MAP2K5: variants seen among roughly 807,000 people sequenced by gnomAD.
MAP2K5 encodes the protein dual specificity mitogen-activated protein kinase kinase 5.
A neutral mutation model predicts 83.1 loss-of-function variants in MAP2K5; 49 were observed. The ratio of observed to expected loss-of-function variants is 0.59; its 90% CI spans 0.47 to 0.75. The LOEUF is 0.75. Among genes scored for constraint, MAP2K5 ranks in the 30% least tolerant of loss-of-function variants. MAP2K5 has a pLI of 0.00. For synonymous variants in MAP2K5, 202 were observed against 191.8 expected (o/e 1.05, Z -0.44); for missense variants, 457 against 557.5 (o/e 0.82, Z 1.82).
At position 67,588,986 on chromosome 15, in the gene MAP2K5, T is replaced by G. The variant is rs74749516; in HGVS notation, c.431+2073T>G. On this transcript the variant is annotated intron_variant, in intron 6 of 21. Coordinates refer to ENST00000178640, the MANE Select transcript of MAP2K5 (RefSeq NM_145160.3). Reference sequence around the variant, plus strand: ...TTGCACCACAATCCCTGATTAAGTGTTTTTTTTTTATTTTTTTAAATTTTT... The same window carrying G: ...TTGCACCACAATCCCTGATTAAGTGGTTTTTTTTTATTTTTTTAAATTTTT... 4.2e-3 allele frequency among the ~76,000 whole-genome samples: 624 copies of G among 147,384 alleles called. 7 individuals carry two copies. Among genetic ancestry groups the G allele is most frequent in the African/African-American group, 0.014 (580 of 40,470 alleles).
intron 9 of MAP2K5, among the ~76,000 whole-genome samples, chr15:67,631,867 T>A (rs1205389183): frequency 6.6e-6 from 1 of 152,094 alleles, no homozygotes; most frequent in Admixed American, 6.6e-5. Flanking sequence ...GAACCCCATT[T>A]CCAATTTTGG....
At chr15:67,608,769 G>C (rs2085839662) in intron 8 of MAP2K5, among the ~76,000 whole-genome samples, 1 of 152,034 alleles carries the variant, frequency 6.6e-6, no homozygotes, top group South Asian at 2.1e-4. Flanking sequence ...AGACACAAAG[G>C]GCCTGTCTTG....
intron 21 of MAP2K5, among the ~76,000 whole-genome samples, chr15:67,805,222 G>T (rs1021010820): frequency 2.6e-5 from 4 of 152,202 alleles, no homozygotes; most frequent in East Asian, 3.9e-4. Context: ...ATAGACCCAC[G>T]CAGGGTGTCC....
rs1174976160 is a variant in MAP2K5 at position 67,652,005 on chromosome 15, T to A, written c.736+5536T>A. Among the ~76,000 whole-genome samples the A allele has an allele frequency of 2.0e-5, 3 of 152,244 alleles. No homozygotes were observed. The highest frequency in any genetic ancestry group is 4.4e-5 in the Non-Finnish European group (3 of 68,046). On this transcript the variant is annotated intron_variant, in intron 11 of 21. Transcript: ENST00000178640. The surrounding 1 kb of genome is among the most constrained non-coding windows in gnomAD (Gnocchi z 4.2). The stretch of plus-strand genomic sequence containing the variant: ...AATAGTGTATGAAGGTTCCCCTTTC[T>A]CCACATCCTTGCCAGCATCTATTAT...
intron 3 of MAP2K5, among the ~76,000 whole-genome samples, chr15:67,571,142 A>G (rs2084940213): frequency 6.6e-6 from 1 of 152,218 alleles, no homozygotes; most frequent in Non-Finnish European, 1.5e-5. Context: ...TAGGCACTAT[A>G]TGGCAGTGAT....
At chr15:67,622,235 G>C (rs751426105) in intron 8 of MAP2K5, among the ~76,000 whole-genome samples, 1 of 152,008 alleles carries the variant, frequency 6.6e-6, no homozygotes, top group South Asian at 2.1e-4. Flanking sequence ...AAACAATATA[G>C]GACCTGAAGG....
chr15:67,798,767 G>A (rs771554629), intron 21 of MAP2K5, among the ~76,000 whole-genome samples: 2 of 152,166 alleles, frequency 1.3e-5, no homozygotes, highest in Non-Finnish European at 2.9e-5. Context: ...AACTCAGGAA[G>A]GTTGATTGAA....
In MAP2K5 at chr15:67,802,573, C is replaced by T. The variant is rs2090725964; in HGVS notation, c.1243-4073C>T. ...GAGAATCCAGGGAATGAGAGTGGCT[C>T]TCACTGCCTGGTGATGAGGCCAGCA... On this transcript the variant is annotated intron_variant, in intron 21 of 21. Transcript: ENST00000178640. The surrounding 1 kb of genome is among the most constrained non-coding windows in gnomAD (Gnocchi z 5.0). 6.6e-6 allele frequency among the ~76,000 whole-genome samples: 1 copy of T among 152,242 alleles called. No homozygotes were observed. Among genetic ancestry groups the T allele is most frequent in the Non-Finnish European group, 1.5e-5 (1 of 68,050 alleles).
rs919074916 is a variant in MAP2K5, at chr15:67,572,764, A to G, written c.253-7990A>G. 2.0e-5 allele frequency among the ~76,000 whole-genome samples: 3 copies of G among 151,436 alleles called. No homozygotes were observed. The highest frequency in any genetic ancestry group is 7.3e-5 in the African/African-American group (3 of 41,218). ...GCCCAGGCTGGAGTGCAGTGGTTCG[A>G]TCTTGGCTCACTGCAAACTCACCTC... is the stretch of plus-strand genomic sequence containing the variant. On this transcript the variant is annotated intron_variant, in intron 3 of 21. Transcript: ENST00000178640. The surrounding 1 kb of genome is among the most constrained non-coding windows in gnomAD (Gnocchi z 4.2).
At chr15:67,693,127 T>C (rs1358773846) in intron 14 of MAP2K5, among the ~76,000 whole-genome samples, 8 of 152,218 alleles carry the variant, frequency 5.3e-5, no homozygotes, top group Non-Finnish European at 1.0e-4. Context: ...CTCCAGCGTA[T>C]TTAGTGTTCA....
rs1048060196 is a variant in MAP2K5 at position 67,793,721 on chromosome 15, C to T, written c.1243-12925C>T. On this transcript the variant is annotated intron_variant, in intron 21 of 21. Transcript: ENST00000178640. This position sits in a 1 kb window ranked among gnomAD's most constrained non-coding sequence, Gnocchi z 4.6. ...TGTAAAGTGCCCCTAGATTTGGAAA[C>T]TGGCCATTTCACTGTATAGAAAATA... is the stretch of plus-strand genomic sequence containing the variant. 3.3e-5 allele frequency among the ~76,000 whole-genome samples: 5 copies of T among 152,200 alleles called. No individual in the cohort carries two copies. Among genetic ancestry groups the T allele is most frequent in the Admixed American group, 6.5e-5 (1 of 15,284 alleles).
chr15:67,649,973 G>A (rs954650262), intron 11 of MAP2K5, among the ~76,000 whole-genome samples: 7 of 152,232 alleles, frequency 4.6e-5, no homozygotes, highest in Middle Eastern at 3.4e-3. Context: ...CTTCCACTCC[G>A]TGAACACAGA....
In MAP2K5 at chr15:67,775,211, A is replaced by G. The variant is rs569293292; in HGVS notation, c.1242+2459A>G. Reference sequence around the variant, plus strand: ...GTCTTAAAGATTAATGTAAAACTCAATGTTAGACTTTGGAGACCATTAAAA... The same window carrying G: ...GTCTTAAAGATTAATGTAAAACTCAGTGTTAGACTTTGGAGACCATTAAAA... On this transcript the variant is annotated intron_variant, in intron 21 of 21. Coordinates refer to ENST00000178640, the MANE Select transcript of MAP2K5 (RefSeq NM_145160.3). This position sits in a 1 kb window ranked among gnomAD's most constrained non-coding sequence, Gnocchi z 5.3. Among the ~76,000 whole-genome samples the G allele has an allele frequency of 3.9e-5, 6 of 152,346 alleles. No homozygotes were observed. Among genetic ancestry groups the G allele is most frequent in the East Asian group, 3.9e-4 (2 of 5,192 alleles).
intron 9 of MAP2K5, among the ~76,000 whole-genome samples, chr15:67,635,797 C>G (rs2086590745): frequency 6.6e-6 from 1 of 152,060 alleles, no homozygotes; most frequent in African/African-American, 2.4e-5. Context: ...TCACTGTTTT[C>G]TTTCTTTCCA....
chr15:67,729,684 A>C (rs1333800445), intron 17 of MAP2K5, among the ~76,000 whole-genome samples: 1 of 152,104 alleles, frequency 6.6e-6, no homozygotes, highest in Non-Finnish European at 1.5e-5. Context: ...GAATGGCTTG[A>C]ACCCGGGAGG....
chr15:67,546,901 CAA>C (rs1165730705), intron 1 of MAP2K5, among the ~76,000 whole-genome samples: 2 of 151,940 alleles, frequency 1.3e-5, no homozygotes, highest in Non-Finnish European at 2.9e-5. Flanking sequence ...CCCATCTCTA[CAA>C]AAAATGCAAA....
At position 67,570,406 on chromosome 15, in the gene MAP2K5, C is replaced by T. The variant is rs184306474; in HGVS notation, c.252+7056C>T. Among the ~76,000 whole-genome samples, 8 of 152,242 alleles carry T rather than the reference C, an allele frequency of 5.3e-5. No homozygotes were observed. In the East Asian group the frequency reaches 1.5e-3, roughly 29 times the overall value. ...AATCAATCTGTGACCATATGTGGAC[C>T]CTCGGTCAAGTCTTTTAAGGAAAAG... On this transcript the variant is annotated intron_variant, in intron 3 of 21. Transcript: ENST00000178640.
In MAP2K5 at chr15:67,698,899, T is replaced by G. The variant is rs78252795; in HGVS notation, c.973-4438T>G. ...GCACGTACTGAAGCACATTACGGGATTCATTTAATCTTCACACAACCCCAG... is the reference window on the plus strand; with the variant it reads ...GCACGTACTGAAGCACATTACGGGAGTCATTTAATCTTCACACAACCCCAG... On this transcript the variant is annotated intron_variant, in intron 15 of 21. Transcript: ENST00000178640. This position sits in a 1 kb window ranked among gnomAD's most constrained non-coding sequence, Gnocchi z 4.5. Among the ~76,000 whole-genome samples the G allele has an allele frequency of 6.2e-4, 94 of 152,322 alleles. No individual in the cohort carries two copies. The highest frequency in any genetic ancestry group is 1.1e-3 in the Non-Finnish European group (77 of 68,036).
At chr15:67,712,760 T>C (rs1684267545) in intron 16 of MAP2K5, among the ~76,000 whole-genome samples, 1 of 151,914 alleles carries the variant, frequency 6.6e-6, no homozygotes, top group African/African-American at 2.4e-5. Context: ...CTACTAAAAA[T>C]ACAAAAAATT....
Sources: gnomAD v4.1 joint callset for allele counts (sites outside exome capture counted in the v4.1 genomes callset) on GRCh38, gnomAD v4.1.1 for gene constraint, Gnocchi (gnomAD v3.1) non-coding constraint, MANE v1.5 for transcripts, NCBI Gene and HGNC (gene_info 2026-07-23, HGNC 2026-07-21) for gene names.